Variants in TMPRSS11A observed in about 807,000 individuals in gnomAD.
TMPRSS11A encodes the protein transmembrane protease serine 11A.
A neutral mutation model predicts 58.9 loss-of-function variants in TMPRSS11A; 53 were observed. The ratio of observed to expected loss-of-function variants is 0.90; its 90% confidence interval spans 0.72 to 1.13. The LOEUF (loss-of-function observed/expected upper bound fraction) is 1.13. Ranked by LOEUF, TMPRSS11A falls within the 50% of genes most tolerant of loss-of-function variation. The pLI, the probability that TMPRSS11A is intolerant of heterozygous loss-of-function variation, is 0.00. For missense variants in TMPRSS11A, 493 were observed against 499.3 expected (o/e 0.99, Z 0.12); for synonymous variants, 167 against 169.8 (o/e 0.98, Z 0.13).
chr4:67,919,082 T>G lies in TMPRSS11A; in HGVS notation c.843A>C (p.Arg281Ser), dbSNP rs147032305. The G allele has an allele frequency of 3.5e-4, 563 of 1,614,092 alleles. No individual in the cohort carries two copies. Among genetic ancestry groups the G allele is most frequent in the Non-Finnish European group, 4.5e-4 (535 of 1,180,034 alleles). ...YDIAVVQVSS[R>S]VTFSDDIRQI... The stretch of plus-strand genomic sequence containing the variant: ...GGCGTATGTCATCCGAAAAGGTGAC[T>G]CTGGAAGAGACCTGCACAACAGCAA... The change falls in exon 8 of 10, where the codon AGA (arginine) becomes AGC (serine). Residue 281 changes from arginine to serine, a missense_variant. Transcript: ENST00000508048.
intron 4 of TMPRSS11A, 42 bp from the exon 5 acceptor site, chr4:67,930,082 C>A: frequency 6.4e-7 from 1 of 1,570,484 alleles, no homozygotes; most frequent in Non-Finnish European, 8.7e-7. Flanking sequence ...AAGAATACAC[C>A]TGGAATTGTC....
intron 5 of TMPRSS11A, among the ~76,000 whole-genome samples, chr4:67,928,969 G>A (rs906746452): frequency 4.6e-5 from 7 of 152,322 alleles, no homozygotes; most frequent in Middle Eastern, 3.4e-3. Flanking sequence ...TTTCTCTCTA[G>A]CTGGCTGCCT....
At chr4:67,955,642 T>C (rs1358788370) in intron 1 of TMPRSS11A, among the ~76,000 whole-genome samples, 1 of 152,208 alleles carries the variant, frequency 6.6e-6, no homozygotes, top group Non-Finnish European at 1.5e-5. Context: ...CATTTAACTG[T>C]CCATGTATCC....
intron 3 of TMPRSS11A, among the ~76,000 whole-genome samples, chr4:67,942,302 A>G (rs1321611992): frequency 6.6e-6 from 1 of 152,128 alleles, no homozygotes; most frequent in East Asian, 1.9e-4. Context: ...GATAGAGGAG[A>G]TGGGGCCTTT....
intron 1 of TMPRSS11A, among the ~76,000 whole-genome samples, chr4:67,954,728 C>CAA (rs1306358719): frequency 2.0e-5 from 3 of 152,162 alleles, no homozygotes; most frequent in African/African-American, 4.8e-5. Context: ...ATAGCATTAA[C>CAA]AATAAGAGCC....
chr4:67,933,970 C>A (rs1720691435), intron 3 of TMPRSS11A, among the ~76,000 whole-genome samples: 1 of 152,158 alleles, frequency 6.6e-6, no homozygotes, highest in African/African-American at 2.4e-5. Context: ...ATCAATCTGG[C>A]ACCGTGCCTG....
At chr4:67,950,567 T>C (rs1395264142) in intron 1 of TMPRSS11A, among the ~76,000 whole-genome samples, 2 of 152,196 alleles carry the variant, frequency 1.3e-5, no homozygotes, top group Non-Finnish European at 2.9e-5. Flanking sequence ...AGATTAGAGT[T>C]TGACTGAATA....
rs1237043217 is a variant in TMPRSS11A at position 67,932,054 on chromosome 4, C to T, written c.259G>A (p.Glu87Lys). 1.3e-6 allele frequency: 2 copies of T among 1,559,380 alleles called. No homozygotes were observed. Among genetic ancestry groups the T allele is most frequent in the African/African-American group, 1.4e-5 (1 of 73,898 alleles). The change falls in exon 4 of 10, where the codon GAG (glutamate) becomes AAG (lysine). Residue 87 changes from glutamate (E) to lysine (K), a missense_variant. By Grantham distance (56) the Glu-to-Lys change is moderately conservative. Transcript: ENST00000508048. Reference protein sequence around the residue: ...LRETTENLVDEIFIDSAWKKN... With the variant: ...LRETTENLVDKIFIDSAWKKN... ...TTCCAGGCTGAATCTATAAATATCT[C>T]ATCCACCTGTTACACAACAAGAGAG... is the stretch of plus-strand genomic sequence containing the variant.
At chr4:67,950,022 T>C (rs1216843974) in intron 1 of TMPRSS11A, among the ~76,000 whole-genome samples, 1 of 152,236 alleles carries the variant, frequency 6.6e-6, no homozygotes, top group Non-Finnish European at 1.5e-5. Flanking sequence ...TGTGCTTTGC[T>C]TGTGCTGATA....
chr4:67,912,061 G>T (rs1719994500), intron 9 of TMPRSS11A, among the ~76,000 whole-genome samples: 1 of 152,000 alleles, frequency 6.6e-6, no homozygotes. Context: ...TTTATTAATT[G>T]AAGAGTCAAG....
chr4:67,918,937 G>A (rs775493023), intron 8 of TMPRSS11A, 36 bp downstream of exon 8: 1 of 1,610,674 alleles, frequency 6.2e-7, no homozygotes, highest in Non-Finnish European at 8.5e-7. Context: ...CCTTAGACAG[G>A]GCTTAGCGCT....
chr4:67,955,181 G>GTA (rs1721255521), intron 1 of TMPRSS11A, among the ~76,000 whole-genome samples: 1 of 152,118 alleles, frequency 6.6e-6, no homozygotes, highest in Admixed American at 6.5e-5. Context: ...CCAACACAAA[G>GTA]TATACTCCAG....
At chr4:67,961,730 C>A (rs111696719) in intron 1 of TMPRSS11A, among the ~76,000 whole-genome samples, 17,585 of 151,724 alleles carry the variant, frequency 0.12, 3,239 homozygotes, top group African/African-American at 0.39. Flanking sequence ...CCAGGCTGGT[C>A]TCTAACTCCT....
chr4:67,956,051 TA>T (rs1721281107), intron 1 of TMPRSS11A, among the ~76,000 whole-genome samples: 1 of 152,156 alleles, frequency 6.6e-6, no homozygotes, highest in African/African-American at 2.4e-5. Flanking sequence ...GAGAAGTTTA[TA>T]AAACCTCTCT....
chr4:67,946,949 T>C (rs1377095852), intron 1 of TMPRSS11A, among the ~76,000 whole-genome samples: 1 of 152,158 alleles, frequency 6.6e-6, no homozygotes, highest in Non-Finnish European at 1.5e-5. Flanking sequence ...TTAAATCTAT[T>C]ATCTCATTTA....
chr4:67,915,126 T>C (rs375685928), intron 8 of TMPRSS11A, among the ~76,000 whole-genome samples: 4 of 152,018 alleles, frequency 2.6e-5, no homozygotes, highest in Non-Finnish European at 5.9e-5. Flanking sequence ...TATAATACTA[T>C]GTACATTTAT....
intron 5 of TMPRSS11A, among the ~76,000 whole-genome samples, chr4:67,928,457 C>T (rs1438025844): frequency 6.6e-6 from 1 of 152,162 alleles, no homozygotes; most frequent in Admixed American, 6.6e-5. Flanking sequence ...ACAAAAAGAC[C>T]AGGCAGCCAA....
At position 67,910,657 on chromosome 4, in the gene TMPRSS11A, G is replaced by A. The variant is rs1018346863; in HGVS notation, c.*685C>T. On this transcript the variant is annotated 3_prime_UTR_variant, in exon 10 of 10. Transcript: ENST00000508048. ...TCTATCTATATATAATTCATTAATC[G>A]GGATTTTTCTGATTATATCTGTAGG... The A allele has an allele frequency of 6.6e-5, 10 of 151,606 alleles. No homozygotes were observed. Among genetic ancestry groups the A allele is most frequent in the African/African-American group, 2.2e-4 (9 of 41,258 alleles). The allele number at this position is 151,606 out of a possible 1,614,324, so 9.4% of individuals were successfully genotyped here. A position where few individuals can be genotyped will look rare whatever the true frequency, so the allele number is the denominator to read the frequency against.
chr4:67,941,477 C>A (rs916357353), intron 3 of TMPRSS11A, among the ~76,000 whole-genome samples: 1 of 152,082 alleles, frequency 6.6e-6, no homozygotes, highest in Non-Finnish European at 1.5e-5. Flanking sequence ...GTAATTTAGC[C>A]CTTAATTATA....
Sources: allele counts gnomAD v4.1 joint callset (sites outside exome capture counted in the v4.1 genomes callset), GRCh38; gene constraint gnomAD v4.1.1; transcripts MANE v1.5; gene names NCBI Gene and HGNC (gene_info 2026-07-23, HGNC 2026-07-21).